Variants in CERS6 observed in about 807,000 individuals in gnomAD.
CERS6 encodes LAG1 homolog, ceramide synthase 6.
In CERS6, 26 loss-of-function variants were observed where a neutral mutation model predicts 56.8. That is an observed-to-expected ratio of 0.46 (90% CI 0.34 to 0.63). The LOEUF is 0.63. CERS6 is among the 30% of genes least tolerant of loss of function. The pLI is 0.01. For missense variants in CERS6, 415 were observed against 467.5 expected (o/e 0.89, Z 1.04); for synonymous variants, 164 against 173.3 (o/e 0.95, Z 0.42).
chr2:168,574,004 A>G (rs1447339630), intron 3 of CERS6, among the ~76,000 whole-genome samples: 4 of 152,212 alleles, frequency 2.6e-5, no homozygotes, highest in Non-Finnish European at 5.9e-5. Context: ...AAGTAGCCAA[A>G]TGCAGAATTT....
At chr2:168,504,232 G>T (rs1694635749) in intron 1 of CERS6, among the ~76,000 whole-genome samples, 1 of 152,100 alleles carries the variant, frequency 6.6e-6, no homozygotes, top group South Asian at 2.1e-4. Flanking sequence ...AACACAGGGA[G>T]ACCCCATCTC....
At chr2:168,766,615 G>A (rs933273320) in intron 9 of CERS6, among the ~76,000 whole-genome samples, 13 of 152,190 alleles carry the variant, frequency 8.5e-5, no homozygotes, top group Non-Finnish European at 4.4e-5. Context: ...CTGACAGGAT[G>A]GTGTGAAAGC....
intron 2 of CERS6, among the ~76,000 whole-genome samples, chr2:168,558,680 T>C (rs1199226315): frequency 1.3e-4 from 20 of 152,108 alleles, no homozygotes; most frequent in Admixed American, 1.0e-3. Context: ...CCATCCTGGC[T>C]AACACAGTGA....
intron 8 of CERS6, among the ~76,000 whole-genome samples, chr2:168,721,421 A>G (rs1013156184): frequency 6.6e-6 from 1 of 151,994 alleles, no homozygotes; most frequent in African/African-American, 2.4e-5. Flanking sequence ...TAATGTTTGT[A>G]TACAAGCTGT....
chr2:168,663,864 G>C (rs1244626055), intron 4 of CERS6, among the ~76,000 whole-genome samples: 1 of 151,768 alleles, frequency 6.6e-6, no homozygotes, highest in Admixed American at 6.6e-5. Context: ...TTTGTTTTTT[G>C]GTCTTTGGTA....
intron 7 of CERS6, among the ~76,000 whole-genome samples, chr2:168,716,251 G>A (rs573253639): frequency 9.9e-5 from 15 of 152,192 alleles, no homozygotes; most frequent in Admixed American, 7.9e-4. Flanking sequence ...ATATTTTTTA[G>A]TAGGATAAAT....
chr2:168,610,967 C>T (rs976018096), intron 3 of CERS6, among the ~76,000 whole-genome samples: 8 of 152,144 alleles, frequency 5.3e-5, no homozygotes, highest in Non-Finnish European at 8.8e-5. Context: ...ACCACCATAC[C>T]TGGCTAATTT....
At chr2:168,725,520 G>T (rs1683325574) in intron 8 of CERS6, among the ~76,000 whole-genome samples, 1 of 152,262 alleles carries the variant, frequency 6.6e-6, no homozygotes, top group Non-Finnish European at 1.5e-5. Context: ...TGTAGAATCA[G>T]ATAGTTTCAC....
intron 1 of CERS6, among the ~76,000 whole-genome samples, chr2:168,476,960 T>TTAACCACACCCAGC (rs1694082891): frequency 6.6e-6 from 1 of 152,046 alleles, no homozygotes; most frequent in Admixed American, 6.6e-5. Context: ...ACACCCAAAA[T>TTAACCACACCCAGC]TAACCATCAC....
intron 1 of CERS6, among the ~76,000 whole-genome samples, chr2:168,513,623 A>G (rs1483894232): frequency 1.3e-5 from 2 of 152,170 alleles, no homozygotes; most frequent in African/African-American, 4.8e-5. Flanking sequence ...AAGGGCATAT[A>G]CCACCGTGGA....
At chr2:168,574,831 C>G (rs1043459500) in intron 3 of CERS6, among the ~76,000 whole-genome samples, 1 of 152,034 alleles carries the variant, frequency 6.6e-6, no homozygotes, top group Admixed American at 6.6e-5. Context: ...TATTAAATCC[C>G]CAAATGTTTG....
chr2:168,523,442 T>A (rs562499717), intron 1 of CERS6, among the ~76,000 whole-genome samples: 2 of 152,218 alleles, frequency 1.3e-5, no homozygotes, highest in African/African-American at 4.8e-5. Context: ...GAATCATAAT[T>A]CAGAATTACC....
intron 1 of CERS6, among the ~76,000 whole-genome samples, chr2:168,509,265 C>A (rs1025166022): frequency 1.3e-5 from 2 of 152,198 alleles, no homozygotes; most frequent in African/African-American, 2.4e-5. Flanking sequence ...CATAACATGA[C>A]AACAGCAGTA....
rs1025752850 is a variant in CERS6 at position 168,532,491 on chromosome 2, G to GT, written c.171-15104dup. Reference sequence around the variant, plus strand: ...GAATGCCATCCTTTTTTTTCTATCTGTACAGGTACTAAAAATGGCCTTTTA... The same window carrying GT: ...GAATGCCATCCTTTTTTTTCTATCTGTTACAGGTACTAAAAATGGCCTTTTA... On this transcript the variant is annotated intron_variant, in intron 1 of 9. Coordinates refer to ENST00000305747, the MANE Select transcript of CERS6 (RefSeq NM_203463.3). Among the ~76,000 whole-genome samples the GT allele has an allele frequency of 1.4e-3, 214 of 151,436 alleles. 2 individuals are homozygous for GT. The highest frequency in any genetic ancestry group is 4.8e-3 in the African/African-American group (200 of 41,256).
chr2:168,659,083 A>G (rs1436734780), intron 4 of CERS6, among the ~76,000 whole-genome samples: 1 of 152,202 alleles, frequency 6.6e-6, no homozygotes, highest in Non-Finnish European at 1.5e-5. Context: ...CCCTGAGCAA[A>G]TTGCTCTGCT....
At chr2:168,740,223 G>A (rs1390962370) in intron 8 of CERS6, among the ~76,000 whole-genome samples, 1 of 151,990 alleles carries the variant, frequency 6.6e-6, no homozygotes, top group Non-Finnish European at 1.5e-5. Flanking sequence ...TTACACAGCA[G>A]GTGAAAATAT....
At chr2:168,569,649 C>T (rs1574071870) in intron 3 of CERS6, among the ~76,000 whole-genome samples, 1 of 152,156 alleles carries the variant, frequency 6.6e-6, no homozygotes, top group African/African-American at 2.4e-5. Flanking sequence ...ATATGAAATC[C>T]GTGTTAGGCT....
chr2:168,591,610 T>G (rs1683673174), intron 3 of CERS6, among the ~76,000 whole-genome samples: 1 of 152,262 alleles, frequency 6.6e-6, no homozygotes, highest in African/African-American at 2.4e-5. Flanking sequence ...TTTTTCATAG[T>G]AGAGCTTCCT....
At chr2:168,756,348 G>C (rs1327822687) in intron 8 of CERS6, among the ~76,000 whole-genome samples, 1 of 152,168 alleles carries the variant, frequency 6.6e-6, no homozygotes, top group Non-Finnish European at 1.5e-5. Context: ...CAAAGAAAAG[G>C]GCACAGGGCT....
Sources: gnomAD v4.1 joint callset for allele counts (sites outside exome capture counted in the v4.1 genomes callset) on GRCh38, gnomAD v4.1.1 for gene constraint, MANE v1.5 for transcripts, NCBI Gene and HGNC (gene_info 2026-07-23, HGNC 2026-07-21) for gene names.